Variants in TBC1D5 observed in about 807,000 individuals in gnomAD.
The protein encoded by TBC1D5 is TBC1 domain family, member 5.
In TBC1D5, 75 loss-of-function variants were observed where a neutral mutation model predicts 100.3. That is an observed-to-expected ratio of 0.75 (90% CI 0.62 to 0.91). TBC1D5 has a LOEUF of 0.91. Among genes scored for constraint, TBC1D5 ranks in the 40% least tolerant of loss-of-function variants. The pLI, the probability that TBC1D5 is intolerant of heterozygous loss-of-function variation, is 0.00. For missense variants in TBC1D5, 910 were observed against 942.4 expected (o/e 0.97, Z 0.45); for synonymous variants, 323 against 325.6 (o/e 0.99, Z 0.09).
chr3:17,588,316 G>A (rs1316130928), intron 2 of TBC1D5, among the ~76,000 whole-genome samples: 2 of 149,714 alleles, frequency 1.3e-5, no homozygotes, highest in African/African-American at 4.9e-5. Context: ...AATCTCTACA[G>A]TAAGACTATA....
chr3:17,538,706 A>T (rs1483261442), intron 2 of TBC1D5, among the ~76,000 whole-genome samples: 1 of 152,056 alleles, frequency 6.6e-6, no homozygotes, highest in Non-Finnish European at 1.5e-5. Context: ...GGATTCAAAG[A>T]TTTTCCAATT....
intron 3 of TBC1D5, among the ~76,000 whole-genome samples, chr3:17,438,326 G>T (rs1346667958): frequency 6.6e-6 from 1 of 152,132 alleles, no homozygotes; most frequent in African/African-American, 2.4e-5. Context: ...TAAAAGATTT[G>T]ATATGGTTTG....
intron 15 of TBC1D5, among the ~76,000 whole-genome samples, chr3:17,283,599 T>C (rs561825087): frequency 6.6e-6 from 1 of 152,002 alleles, no homozygotes; most frequent in East Asian, 1.9e-4. Context: ...TGTGAGTGAG[T>C]GTGCTTACCA....
chr3:17,598,391 A>C (rs1218271296), intron 2 of TBC1D5, among the ~76,000 whole-genome samples: 1 of 152,226 alleles, frequency 6.6e-6, no homozygotes, highest in Non-Finnish European at 1.5e-5. Context: ...ATTTTGGATT[A>C]AATGGGCTGG....
chr3:17,618,313 G>T (rs879366361), intron 2 of TBC1D5, among the ~76,000 whole-genome samples: 5 of 152,140 alleles, frequency 3.3e-5, no homozygotes, highest in African/African-American at 4.8e-5. Flanking sequence ...GGTGTCTGTC[G>T]GCCCATACTG....
intron 15 of TBC1D5, among the ~76,000 whole-genome samples, chr3:17,261,996 G>A (rs2078350350): frequency 6.6e-6 from 1 of 152,034 alleles, no homozygotes; most frequent in African/African-American, 2.4e-5. Context: ...TGAAAACTGT[G>A]ATTTCTCATT....
chr3:17,667,405 G>GC (rs2067385199), intron 1 of TBC1D5, among the ~76,000 whole-genome samples: 1 of 151,878 alleles, frequency 6.6e-6, no homozygotes, highest in South Asian at 2.1e-4. Flanking sequence ...GATTTTCAAC[G>GC]CAATTACTTT....
chr3:17,378,087 T>C (rs2092782672), intron 9 of TBC1D5, among the ~76,000 whole-genome samples: 1 of 151,788 alleles, frequency 6.6e-6, no homozygotes, highest in Non-Finnish European at 1.5e-5. Context: ...ATAAGTATTG[T>C]ATTAATAGAA....
intron 2 of TBC1D5, among the ~76,000 whole-genome samples, chr3:17,525,660 T>C (rs2096124491): frequency 6.6e-6 from 1 of 152,162 alleles, no homozygotes. Flanking sequence ...GAAGCATAAA[T>C]GCCCCTGTAG....
intron 21 of TBC1D5, among the ~76,000 whole-genome samples, chr3:17,165,520 A>C (rs2066509910): frequency 6.6e-6 from 1 of 152,238 alleles, no homozygotes; most frequent in Non-Finnish European, 1.5e-5. Flanking sequence ...GTGGCTACAA[A>C]TGCAGAGTCA....
At chr3:17,604,048 G>A (rs1375933465) in intron 2 of TBC1D5, among the ~76,000 whole-genome samples, 2 of 152,130 alleles carry the variant, frequency 1.3e-5, no homozygotes, top group Non-Finnish European at 2.9e-5. Flanking sequence ...CTCCTGGACT[G>A]AACCCTAATT....
intron 1 of TBC1D5, among the ~76,000 whole-genome samples, chr3:17,625,867 C>T (rs2063009069): frequency 6.6e-6 from 1 of 152,014 alleles, no homozygotes; most frequent in South Asian, 2.1e-4. Flanking sequence ...ACTAAAAATT[C>T]CTAGTTGTTT....
At chr3:17,287,188 G>T (rs1399759615) in intron 15 of TBC1D5, among the ~76,000 whole-genome samples, 1 of 152,136 alleles carries the variant, frequency 6.6e-6, no homozygotes, top group Non-Finnish European at 1.5e-5. Flanking sequence ...AAATATTCTC[G>T]ATTAGTGATG....
At chr3:17,682,070 G>A (rs1324950358) in intron 1 of TBC1D5, among the ~76,000 whole-genome samples, 1 of 151,214 alleles carries the variant, frequency 6.6e-6, no homozygotes, top group Non-Finnish European at 1.5e-5. Flanking sequence ...TATAAAAATT[G>A]TCTTCCATGA....
intron 18 of TBC1D5, among the ~76,000 whole-genome samples, chr3:17,212,411 T>A (rs1419580678): frequency 6.6e-6 from 1 of 152,186 alleles, no homozygotes; most frequent in Non-Finnish European, 1.5e-5. Flanking sequence ...TTATGTACAG[T>A]GAATAATAAT....
intron 17 of TBC1D5, among the ~76,000 whole-genome samples, chr3:17,233,432 T>C (rs1340015886): frequency 1.3e-5 from 2 of 152,120 alleles, no homozygotes; most frequent in Non-Finnish European, 2.9e-5. Flanking sequence ...ACAGGGTGAA[T>C]CATATTTTGC....
intron 2 of TBC1D5, among the ~76,000 whole-genome samples, chr3:17,566,252 C>A (rs1576745300): frequency 6.6e-6 from 1 of 151,904 alleles, no homozygotes; most frequent in Non-Finnish European, 1.5e-5. Context: ...TATGCACTTA[C>A]GTTAAAATAT....
chr3:17,732,168 A>T (rs561481881), intron 1 of TBC1D5, among the ~76,000 whole-genome samples: 1 of 152,140 alleles, frequency 6.6e-6, no homozygotes, highest in Admixed American at 6.5e-5. Context: ...AAATACAAAA[A>T]TTAGCTGGGC....
intron 1 of TBC1D5, among the ~76,000 whole-genome samples, chr3:17,628,850 T>G (rs144147758): frequency 2.0e-5 from 3 of 152,342 alleles, no homozygotes; most frequent in African/African-American, 7.2e-5. Context: ...GTGTTAGATT[T>G]TCTGTATGGC....
Sources: gnomAD v4.1 joint callset for allele counts (sites outside exome capture counted in the v4.1 genomes callset) on GRCh38, gnomAD v4.1.1 for gene constraint, MANE v1.5 for transcripts, NCBI Gene and HGNC (gene_info 2026-07-23, HGNC 2026-07-21) for gene names.